The following RPA2 variants were observed in gnomAD, a reference collection of about 807,000 sequenced individuals.
RPA2 encodes replication protein A2, also known as replication protein A 32 kDa subunit.
A neutral mutation model predicts 33.4 loss-of-function variants in RPA2; 22 were observed. That is an observed-to-expected ratio of 0.66 (90% CI 0.47 to 0.94). The LOEUF is 0.94. Among genes scored for constraint, RPA2 ranks in the 40% least tolerant of loss-of-function variants. The pLI is 0.00. For missense variants in RPA2, 279 were observed against 329.9 expected, an observed-to-expected ratio of 0.85 and a Z score of 1.19; for synonymous variants, 109 against 114.9, an observed-to-expected ratio of 0.95 and a Z score of 0.33.
At chr1:27,914,706 C>T, upstream of RPA2, 3 of 1,606,534 alleles carry the variant, frequency 1.9e-6, no homozygotes, top group South Asian at 1.1e-5. Flanking sequence ...CCAAAAGCCT[C>T]CGCGGCCATC....
chr1:27,907,514 CAT>C (rs1440008461), intron 2 of RPA2, among the ~76,000 whole-genome samples: 6 of 152,184 alleles, frequency 3.9e-5, no homozygotes, highest in South Asian at 2.1e-4. Flanking sequence ...AATAGATACA[CAT>C]GTTGCTCTGA....
intron 5 of RPA2, 75 bp downstream of exon 5, chr1:27,897,558 T>C: frequency 1.9e-6 from 2 of 1,059,368 alleles, no homozygotes; most frequent in Non-Finnish European, 2.8e-6. Flanking sequence ...ATTTTAACTA[T>C]CCAAAAGCCA....
At position 27,894,034 on chromosome 1, in the gene RPA2, G is replaced by A. The variant is rs371319377; in HGVS notation, c.706C>T (p.His236Tyr). Residue 236 changes from histidine (H) to tyrosine (Y), a missense_variant, in exon 8 of 9, where the codon CAC becomes TAC. Transcript: ENST00000373912. The part of the protein sequence containing the change: ...NFQDLKNQLK[H>Y]MSVSSIKQAV... ...TACTTGATTGAGGATACAGACATGTGTTTCAGCTGGTTCTTGAGATCCTGA... is the reference window on the plus strand; with the variant it reads ...TACTTGATTGAGGATACAGACATGTATTTCAGCTGGTTCTTGAGATCCTGA... 82 of 1,613,946 alleles carry A rather than the reference G, an allele frequency of 5.1e-5. No individual in the cohort carries two copies. The highest frequency in any genetic ancestry group is 6.2e-5 in the Non-Finnish European group (73 of 1,179,922).
intron 4 of RPA2, among the ~76,000 whole-genome samples, chr1:27,903,896 G>A (rs2089997202): frequency 6.8e-6 from 1 of 148,038 alleles, no homozygotes; most frequent in African/African-American, 2.5e-5. Context: ...AAAGGCCAAT[G>A]GCTCATGCCT....
At chr1:27,902,574 C>T (rs2089981087) in intron 4 of RPA2, among the ~76,000 whole-genome samples, 1 of 151,954 alleles carries the variant, frequency 6.6e-6, no homozygotes, top group Admixed American at 6.6e-5. Context: ...CATGAGCCAC[C>T]GCACCTAGTC....
intron 8 of RPA2, among the ~76,000 whole-genome samples, chr1:27,892,559 G>GT (rs1318010304): frequency 3.9e-5 from 6 of 152,316 alleles, no homozygotes; most frequent in Non-Finnish European, 8.8e-5. Context: ...TAAAGCTGTA[G>GT]TCACACTTGC....
chr1:27,912,047 T>C (rs2090103239), intron 2 of RPA2, among the ~76,000 whole-genome samples: 1 of 151,886 alleles, frequency 6.6e-6, no homozygotes, highest in Non-Finnish European at 1.5e-5. Flanking sequence ...TGAGCCCAGA[T>C]TGTGTCACTA....
chr1:27,907,152 G>T, intron 3 of RPA2, 29 bp downstream of exon 3: 1 of 1,596,324 alleles, frequency 6.3e-7, no homozygotes, highest in South Asian at 1.1e-5. Context: ...TTATGAGTAA[G>T]TGATTCTTTC....
intron 4 of RPA2, among the ~76,000 whole-genome samples, chr1:27,903,487 T>G (rs903700135): frequency 6.6e-6 from 1 of 150,722 alleles, no homozygotes; most frequent in Non-Finnish European, 1.5e-5. Context: ...TTTGGGAGGC[T>G]GAGGCAGGAT....
intron 4 of RPA2, among the ~76,000 whole-genome samples, chr1:27,898,220 T>C (rs1336035653): frequency 6.6e-6 from 1 of 152,198 alleles, no homozygotes; most frequent in African/African-American, 2.4e-5. Flanking sequence ...TTTAGGAATT[T>C]AAGGAAGTAA....
chr1:27,906,711 T>C (rs1174118024), intron 4 of RPA2, among the ~76,000 whole-genome samples: 1 of 152,134 alleles, frequency 6.6e-6, no homozygotes, highest in African/African-American at 2.4e-5. Context: ...CTAATGGAAC[T>C]TAACATTCTA....
Position 27,914,551 on chromosome 1 carries a change from G to T in RPA2, c.-108C>A. 1 of 1,610,504 alleles carries T rather than the reference G, an allele frequency of 6.2e-7. No individual in the cohort carries two copies. Among genetic ancestry groups the T allele is most frequent in the Middle Eastern group, 1.7e-4 (1 of 5,974 alleles). On this transcript the variant is annotated 5_prime_UTR_variant, in exon 1 of 9. Coordinates refer to ENST00000373912, the MANE Select transcript of RPA2 (RefSeq NM_002946.5). ...GCGCCGCTCTGGCTACTTTTCTCTG[G>T]CACCACAAACGCCTTCCCGCGAATG... is the stretch of plus-strand genomic sequence containing the variant.
chr1:27,894,052 GA>G lies in RPA2; in HGVS notation c.687del (p.Leu230SerfsTer5). 8 of 1,614,154 alleles carry G rather than the reference GA, an allele frequency of 5.0e-6. No individual in the cohort carries two copies. The highest frequency in any genetic ancestry group is 6.8e-6 in the Non-Finnish European group (8 of 1,179,998). ...CPRPEGLNFQ[D>X]LKNQLKHMSV... ...GACATGTGTTTCAGCTGGTTCTTGA[GA>G]TCCTGAAAGTTCAACCCTTCAGGTC... On this transcript the variant is annotated frameshift_variant, in exon 8 of 9. Transcript: ENST00000373912. LOFTEE classifies it high-confidence loss of function.
At chr1:27,907,781 GATT>G (rs2148660496) in intron 2 of RPA2, among the ~76,000 whole-genome samples, 1 of 152,300 alleles carries the variant, frequency 6.6e-6, no homozygotes, top group African/African-American at 2.4e-5. Flanking sequence ...TTGTAGGACA[GATT>G]TTTTGACTAT....
At chr1:27,905,913 C>T (rs1244247952) in intron 4 of RPA2, among the ~76,000 whole-genome samples, 1 of 152,262 alleles carries the variant, frequency 6.6e-6, no homozygotes, top group Non-Finnish European at 1.5e-5. Flanking sequence ...AGGCGTGAGC[C>T]ACCATGCCAA....
At chr1:27,913,939 A>T (rs1028737448) in intron 2 of RPA2, 124 bp downstream of exon 2, 3 of 958,734 alleles carry the variant, frequency 3.1e-6, no homozygotes, top group Admixed American at 3.3e-5. Flanking sequence ...GATGCAGATA[A>T]TAATAGATCA....
intron 4 of RPA2, among the ~76,000 whole-genome samples, chr1:27,899,525 A>C (rs1208860306): frequency 2.0e-5 from 3 of 151,014 alleles, no homozygotes; most frequent in East Asian, 1.9e-4. Flanking sequence ...AAAAAAAAAA[A>C]AAAAAACCAC....
intron 6 of RPA2, among the ~76,000 whole-genome samples, chr1:27,894,966 C>A (rs2089871368): frequency 6.6e-6 from 1 of 152,188 alleles, no homozygotes; most frequent in South Asian, 2.1e-4. Context: ...AACCAATTAT[C>A]CAAAAGTCTC....
rs1247852486 is a variant in RPA2, at chr1:27,914,526, G to A, written c.-83C>T. 1.2e-6 allele frequency: 2 copies of A among 1,605,562 alleles called. No homozygotes were observed. Among genetic ancestry groups the A allele is most frequent in the Non-Finnish European group, 8.5e-7 (1 of 1,176,308 alleles). ...AAAACCACAGAACGCGGCCGCCACT[G>A]CGCCGCTCTGGCTACTTTTCTCTGG... On this transcript the variant is annotated 5_prime_UTR_variant, in exon 1 of 9. Coordinates refer to ENST00000373912, the MANE Select transcript of RPA2 (RefSeq NM_002946.5).
Sources: allele counts gnomAD v4.1 joint callset (sites outside exome capture counted in the v4.1 genomes callset), GRCh38; gene constraint gnomAD v4.1.1; transcripts MANE v1.5; gene names NCBI Gene and HGNC (gene_info 2026-07-23, HGNC 2026-07-21).